The following TCF4 variants were observed in gnomAD, a reference collection of about 807,000 sequenced individuals.
The protein encoded by TCF4 is transcription factor 4.
TCF4 carries 3 observed loss-of-function variants against 82.1 expected under a neutral mutation model. The observed-to-expected ratio is 0.04, with a 90% CI of 0.02 to 0.09. The LOEUF is 0.09. Ranked by LOEUF, TCF4 falls within the 10% of genes least tolerant of loss-of-function variation. The pLI is 1.00. For synonymous variants in TCF4, 276 were observed against 309.6 expected (o/e 0.89, Z 1.14); for missense variants, 518 against 852.7 (o/e 0.61, Z 4.89).
chr18:55,353,972 T>A (rs139469357), intron 6 of TCF4, among the ~76,000 whole-genome samples: 1 of 152,150 alleles, frequency 6.6e-6, no homozygotes, highest in Non-Finnish European at 1.5e-5. Flanking sequence ...TGCAAGCTCA[T>A]GTTCTGCGGT....
chr18:55,302,553 G>A, intron 8 of TCF4: 1 of 1,535,404 alleles, frequency 6.5e-7, no homozygotes. Flanking sequence ...GACACACAAG[G>A]AGCAAGCAGG....
rs188077255 is a variant in TCF4, at chr18:55,622,447, G to C, written c.286+8851C>G. Among the ~76,000 whole-genome samples the C allele has an allele frequency of 4.0e-5, 6 of 149,408 alleles. No individual in the cohort carries two copies. The Admixed American group carries it at 4.0e-4, about 10-fold the overall frequency. Reference sequence around the variant, plus strand: ...GCTTGAACCCGAGGCAGAGGTTGCAGTGAGCCGAGATCACATCACTGCACT... The same window carrying C: ...GCTTGAACCCGAGGCAGAGGTTGCACTGAGCCGAGATCACATCACTGCACT... On this transcript the variant is annotated intron_variant, in intron 2 of 20. Transcript: ENST00000398339.
At chr18:55,228,785 T>A in intron 18 of TCF4, 62 bp downstream of exon 18, 1 of 1,568,816 alleles carries the variant, frequency 6.4e-7, no homozygotes, top group Middle Eastern at 1.9e-4. Context: ...GGCGTGCCCA[T>A]CTCAGCTTGT....
intron 6 of TCF4, chr18:55,352,155 G>T (rs1397553800): frequency 6.5e-6 from 1 of 154,076 alleles, no homozygotes; most frequent in Non-Finnish European, 1.4e-5. Context: ...TGGTTAACCC[G>T]CTGAGAACTG....
chr18:55,604,279 C>G (rs2097700183), intron 2 of TCF4, among the ~76,000 whole-genome samples: 1 of 152,084 alleles, frequency 6.6e-6, no homozygotes, highest in South Asian at 2.1e-4. Context: ...CTCCCACCCC[C>G]ACCCCAGAAT....
At chr18:55,329,126 C>A (rs1452056689) in intron 8 of TCF4, among the ~76,000 whole-genome samples, 1 of 152,176 alleles carries the variant, frequency 6.6e-6, no homozygotes, top group African/African-American at 2.4e-5. Context: ...ACAGTGAGAG[C>A]ATCCAACGTA....
intron 3 of TCF4, among the ~76,000 whole-genome samples, chr18:55,492,523 C>T (rs190004155): frequency 2.0e-5 from 3 of 152,076 alleles, no homozygotes; most frequent in African/African-American, 7.2e-5. Context: ...TTAATATGTT[C>T]TTTTTAACAA....
intron 3 of TCF4, chr18:55,495,939 T>A (rs2096630412): frequency 6.6e-6 from 1 of 152,184 alleles, no homozygotes; most frequent in South Asian, 2.1e-4. Flanking sequence ...TCTTTTTAAT[T>A]GAGGCAAGAA....
chr18:55,373,746 G>A (rs1358647995), intron 6 of TCF4, among the ~76,000 whole-genome samples: 1 of 152,056 alleles, frequency 6.6e-6, no homozygotes, highest in African/African-American at 2.4e-5. Context: ...CCGGGAGCCG[G>A]AGGTTGCACT....
intron 3 of TCF4, among the ~76,000 whole-genome samples, chr18:55,538,774 T>C (rs974578070): frequency 6.6e-6 from 1 of 152,330 alleles, no homozygotes; most frequent in African/African-American, 2.4e-5. Flanking sequence ...CTCTTCTGTG[T>C]ATTCTCTAGA....
At chr18:55,571,355 T>C (rs947916049) in intron 3 of TCF4, among the ~76,000 whole-genome samples, 7 of 152,140 alleles carry the variant, frequency 4.6e-5, no homozygotes, top group Non-Finnish European at 8.8e-5. Flanking sequence ...TACAGTATTG[T>C]TTAGGGATAC....
chr18:55,501,707 A>G (rs1046485524), intron 3 of TCF4, among the ~76,000 whole-genome samples: 1 of 143,028 alleles, frequency 7.0e-6, no homozygotes, highest in East Asian at 2.0e-4. Flanking sequence ...TCTTTGGGAG[A>G]AAAAAAAAAA....
intron 8 of TCF4, chr18:55,321,730 G>A (rs2075541516): frequency 6.5e-7 from 1 of 1,536,098 alleles, no homozygotes; most frequent in Non-Finnish European, 8.7e-7. Flanking sequence ...TTGTGTATGC[G>A]CAGTACATGG....
intron 3 of TCF4, chr18:55,495,827 T>C (rs2096628920): frequency 6.6e-6 from 1 of 152,202 alleles, no homozygotes; most frequent in South Asian, 2.1e-4. Flanking sequence ...TCCACCGCTC[T>C]TTAATTATGA....
chr18:55,487,360 T>C (rs2096528266), intron 3 of TCF4, among the ~76,000 whole-genome samples: 1 of 152,198 alleles, frequency 6.6e-6, no homozygotes, highest in Non-Finnish European at 1.5e-5. Context: ...GGTATCTTTG[T>C]TTATTGATCC....
At chr18:55,571,874 C>A (rs199772287) in intron 3 of TCF4, among the ~76,000 whole-genome samples, 509 of 121,866 alleles carry the variant, frequency 4.2e-3, no homozygotes, top group Non-Finnish European at 4.7e-3. Flanking sequence ...ATTTTCTTTT[C>A]AAAAAAAAAA....
At chr18:55,555,171 A>G (rs1446246780) in intron 3 of TCF4, among the ~76,000 whole-genome samples, 2 of 152,198 alleles carry the variant, frequency 1.3e-5, no homozygotes, top group African/African-American at 2.4e-5. Flanking sequence ...ATCAATCAGC[A>G]TATGTTCTTA....
At chr18:55,536,797 T>C (rs959456788) in intron 3 of TCF4, among the ~76,000 whole-genome samples, 1 of 152,240 alleles carries the variant, frequency 6.6e-6, no homozygotes, top group Non-Finnish European at 1.5e-5. Context: ...TTTGTATGTA[T>C]GTATATTACA....
rs688483 is a variant in TCF4 at position 55,566,105 on chromosome 18, C to T, written c.145+19175G>A. On this transcript the variant is annotated intron_variant, in intron 3 of 19. Coordinates refer to ENST00000354452, the MANE Select transcript of TCF4 (RefSeq NM_001083962.2). The stretch of plus-strand genomic sequence containing the variant: ...ACGGGTGCCTGTAGTCCCAGCTACT[C>T]GGGAGGCTGAGGCAGGAGAATGGTG... Among the ~76,000 whole-genome samples the T allele has an allele frequency of 4.1e-3, 616 of 150,974 alleles. 5 individuals carry two copies. Among genetic ancestry groups the T allele is most frequent in the African/African-American group, 0.014 (594 of 41,094 alleles).
Sources: gnomAD v4.1 joint callset for allele counts (sites outside exome capture counted in the v4.1 genomes callset) on GRCh38, gnomAD v4.1.1 for gene constraint, MANE v1.5 for transcripts, NCBI Gene and HGNC (gene_info 2026-07-23, HGNC 2026-07-21) for gene names.